Variants in NUMB observed in about 807,000 individuals in gnomAD.
NUMB encodes the protein NUMB endocytic adaptor protein.
A neutral mutation model predicts 59.7 loss-of-function variants in NUMB; 29 were observed. The observed-to-expected ratio is 0.49, with a 90% CI of 0.36 to 0.66. NUMB has a LOEUF of 0.66. NUMB is among the 30% of genes least tolerant of loss of function. The pLI is 0.00. For synonymous variants in NUMB, 288 were observed against 288.2 expected (o/e 1.00, Z 0.01); for missense variants, 723 against 822.0 (o/e 0.88, Z 1.47).
chr14:73,435,910 G>T (rs1278316636), intron 1 of NUMB, among the ~76,000 whole-genome samples: 3 of 151,752 alleles, frequency 2.0e-5, no homozygotes, highest in African/African-American at 4.8e-5. Context: ...GGAGGCTGAT[G>T]TGAGAGAATT....
intron 5 of NUMB, among the ~76,000 whole-genome samples, chr14:73,320,685 T>G (rs1016001496): frequency 2.0e-5 from 3 of 152,218 alleles, no homozygotes; most frequent in Admixed American, 2.0e-4. Context: ...TCAGATTGTA[T>G]TCTGTATATT....
chr14:73,411,919 C>CTTTTTT (rs935625343), intron 1 of NUMB, among the ~76,000 whole-genome samples: 2 of 106,806 alleles, frequency 1.9e-5, no homozygotes, highest in Non-Finnish European at 3.6e-5. Context: ...CAGCAATTAA[C>CTTTTTT]TTTTTTTTTT....
chr14:73,302,764 T>G (rs1321455153), intron 6 of NUMB, among the ~76,000 whole-genome samples: 1 of 152,024 alleles, frequency 6.6e-6, no homozygotes, highest in Non-Finnish European at 1.5e-5. Context: ...CCATATAAAC[T>G]AAGATTTCTG....
chr14:73,450,904 C>T (rs1038496114), intron 1 of NUMB, among the ~76,000 whole-genome samples: 1 of 152,002 alleles, frequency 6.6e-6, no homozygotes, highest in Non-Finnish European at 1.5e-5. Flanking sequence ...GTAATCCCAG[C>T]ACTTTGGGAG....
intron 1 of NUMB, among the ~76,000 whole-genome samples, chr14:73,427,378 T>C (rs1897630834): frequency 6.6e-6 from 1 of 151,900 alleles, no homozygotes; most frequent in Non-Finnish European, 1.5e-5. Context: ...GGCAGAAGAA[T>C]CGCTTGAACC....
intron 1 of NUMB, among the ~76,000 whole-genome samples, chr14:73,444,257 G>A (rs931698480): frequency 6.6e-6 from 1 of 151,992 alleles, no homozygotes; most frequent in African/African-American, 2.4e-5. Context: ...AAATTAGCCA[G>A]GTGTGGTGGC....
At chr14:73,297,178 A>T in intron 7 of NUMB, 33 bp downstream of exon 7, 1 of 1,423,396 alleles carries the variant, frequency 7.0e-7, no homozygotes, top group Non-Finnish European at 9.8e-7. Flanking sequence ...CAAAAAAAAT[A>T]AAATAAATCA....
rs533487375 is a variant in NUMB at position 73,422,130 on chromosome 14, C to T, written c.-232-12062G>A. 9.4e-5 allele frequency among the ~76,000 whole-genome samples: 12 copies of T among 128,230 alleles called. No homozygotes were observed. The East Asian group carries it at 2.2e-3, about 24-fold the overall frequency. The allele number at this position is 128,230 out of a possible 152,430, so 84.1% of individuals were successfully genotyped here. Reference sequence around the variant, plus strand: ...CTACACCCCAGCCTGGACGACAGAGCGAGACTTCGTCAAAAAAAAAAAAAG... The same window carrying T: ...CTACACCCCAGCCTGGACGACAGAGTGAGACTTCGTCAAAAAAAAAAAAAG... On this transcript the variant is annotated intron_variant, in intron 1 of 12. Transcript: ENST00000555238.
chr14:73,315,824 ATTTAT>A (rs909574663), intron 6 of NUMB, among the ~76,000 whole-genome samples: 2 of 152,178 alleles, frequency 1.3e-5, no homozygotes, highest in Non-Finnish European at 2.9e-5. Context: ...ATCAAATGAT[ATTTAT>A]TTTAATACCT....
At chr14:73,386,883 T>TA in intron 2 of NUMB, among the ~76,000 whole-genome samples, 1 of 122,332 alleles carries the variant, frequency 8.2e-6, no homozygotes, top group Non-Finnish European at 1.7e-5. Flanking sequence ...TTTTTTTTTT[T>TA]TTTTTTTTTT....
intron 7 of NUMB, among the ~76,000 whole-genome samples, chr14:73,296,261 G>A (rs938737430): frequency 1.3e-5 from 2 of 152,134 alleles, no homozygotes; most frequent in South Asian, 4.1e-4. Flanking sequence ...TGACCAACAT[G>A]GTGAAACCTC....
chr14:73,388,527 C>T (rs1566774807), intron 2 of NUMB, among the ~76,000 whole-genome samples: 1 of 151,758 alleles, frequency 6.6e-6, no homozygotes, highest in Non-Finnish European at 1.5e-5. Flanking sequence ...TTCAGCTAGG[C>T]TTATGGCTGA....
intron 2 of NUMB, among the ~76,000 whole-genome samples, chr14:73,378,068 AAACT>A (rs1441066370): frequency 4.6e-5 from 7 of 152,100 alleles, no homozygotes; most frequent in African/African-American, 7.2e-5. Context: ...AACAGTAAGA[AAACT>A]AACAACCTGA....
chr14:73,367,360 G>A (rs1490265926), intron 2 of NUMB, among the ~76,000 whole-genome samples: 1 of 147,798 alleles, frequency 6.8e-6, no homozygotes, highest in African/African-American at 2.6e-5. Flanking sequence ...GAGAGAGAGA[G>A]AGAGAGAGAG....
chr14:73,433,085 T>C (rs966686575), intron 1 of NUMB, among the ~76,000 whole-genome samples: 2 of 151,948 alleles, frequency 1.3e-5, no homozygotes, highest in African/African-American at 2.4e-5. Context: ...CACACGCCTG[T>C]AGTCCCAGCT....
chr14:73,371,333 G>A (rs571619976), intron 2 of NUMB, among the ~76,000 whole-genome samples: 5 of 151,974 alleles, frequency 3.3e-5, no homozygotes, highest in African/African-American at 1.2e-4. Flanking sequence ...TCAGGAGATC[G>A]AGATCATCCT....
chr14:73,426,956 G>A (rs192160898), intron 1 of NUMB, among the ~76,000 whole-genome samples: 125 of 152,274 alleles, frequency 8.2e-4, no homozygotes, highest in African/African-American at 2.7e-3. Context: ...CCGGGCTGCA[G>A]TGAGTCATGA....
chr14:73,330,801 G>A (rs1347451667), intron 4 of NUMB, among the ~76,000 whole-genome samples: 1 of 152,176 alleles, frequency 6.6e-6, no homozygotes, highest in South Asian at 2.1e-4. Flanking sequence ...ATGGATAGAT[G>A]AATGAATGAA....
At chr14:73,400,637 G>C (rs1440466169) in intron 2 of NUMB, among the ~76,000 whole-genome samples, 1 of 152,206 alleles carries the variant, frequency 6.6e-6, no homozygotes, top group Non-Finnish European at 1.5e-5. Flanking sequence ...ACCAAGGCAT[G>C]ATAAGAGGGT....
Sources: gnomAD v4.1 joint callset for allele counts (sites outside exome capture counted in the v4.1 genomes callset) on GRCh38, gnomAD v4.1.1 for gene constraint, MANE v1.5 for transcripts, NCBI Gene and HGNC (gene_info 2026-07-23, HGNC 2026-07-21) for gene names.